FSTL4: variants seen among roughly 807,000 people sequenced by gnomAD.
FSTL4 encodes the protein follistatin like 4.
Under a neutral mutation model 78.2 loss-of-function variants are expected in FSTL4, and 28 were observed. That is an observed-to-expected ratio of 0.36 (90% CI 0.27 to 0.49). The LOEUF (loss-of-function observed/expected upper bound fraction) is 0.49, where lower values mean the gene tolerates loss of function less well. Ranked by LOEUF, FSTL4 falls within the 20% of genes least tolerant of loss-of-function variation. FSTL4 has a pLI of 0.98. For missense variants in FSTL4, 922 were observed against 1,084.9 expected (o/e 0.85, Z 2.11); for synonymous variants, 422 against 440.5 (o/e 0.96, Z 0.53).
At chr5:133,488,934 G>T (rs1480131185) in intron 3 of FSTL4, among the ~76,000 whole-genome samples, 2 of 152,164 alleles carry the variant, frequency 1.3e-5, no homozygotes, top group Non-Finnish European at 2.9e-5. Context: ...AAACTCCAAA[G>T]CTCCTGCTGT....
the FSTL4 span, among the ~76,000 whole-genome samples, chr5:133,769,501 G>A: frequency 6.6e-6 from 1 of 152,112 alleles, no homozygotes; most frequent in Admixed American, 6.5e-5. Flanking sequence ...TGTAGGGTCT[G>A]GTTACCCCTG....
intron 2 of FSTL4, among the ~76,000 whole-genome samples, chr5:133,592,135 C>T (rs891349683): frequency 1.3e-5 from 2 of 152,130 alleles, no homozygotes; most frequent in Non-Finnish European, 2.9e-5. Context: ...CTCCAAGTAC[C>T]TCTGCCTCCA....
the FSTL4 span, among the ~76,000 whole-genome samples, chr5:133,630,669 G>A: frequency 6.6e-6 from 1 of 152,142 alleles, no homozygotes; most frequent in African/African-American, 2.4e-5. Flanking sequence ...CCAAAAAAGA[G>A]CCCGTATAGT....
intron 3 of FSTL4, among the ~76,000 whole-genome samples, chr5:133,491,781 G>T (rs2112868738): frequency 6.6e-6 from 1 of 152,178 alleles, no homozygotes; most frequent in Non-Finnish European, 1.5e-5. Flanking sequence ...ATTTAGACAT[G>T]ATCTTTGTAA....
chr5:133,714,317 A>G, the FSTL4 span, among the ~76,000 whole-genome samples: 2 of 152,116 alleles, frequency 1.3e-5, no homozygotes, highest in Non-Finnish European at 2.9e-5. Context: ...GCTCCCTTTA[A>G]TCTTCTCATC....
At chr5:133,204,420 A>G (rs887216365) in intron 14 of FSTL4, among the ~76,000 whole-genome samples, 1 of 152,232 alleles carries the variant, frequency 6.6e-6, no homozygotes, top group African/African-American at 2.4e-5. Flanking sequence ...CAAACAATGC[A>G]GTAACAAACA....
At chr5:133,738,904 C>T in the FSTL4 span, among the ~76,000 whole-genome samples, 2 of 152,120 alleles carry the variant, frequency 1.3e-5, no homozygotes, top group Admixed American at 1.3e-4. Flanking sequence ...CCCACACTTC[C>T]TCCTCATTCC....
intron 3 of FSTL4, among the ~76,000 whole-genome samples, chr5:133,434,429 G>A (rs906325184): frequency 6.6e-6 from 1 of 152,048 alleles, no homozygotes; most frequent in African/African-American, 2.4e-5. Flanking sequence ...CATTCTTTTT[G>A]TGACTATTTC....
At chr5:133,541,927 G>GAGAC (rs112057546) in intron 3 of FSTL4, among the ~76,000 whole-genome samples, 1 of 148,232 alleles carries the variant, frequency 6.7e-6, no homozygotes, top group Non-Finnish European at 1.5e-5. Context: ...GAATGTTACA[G>GAGAC]ACACACACAC....
At chr5:133,751,079 C>T in the FSTL4 span, among the ~76,000 whole-genome samples, 1 of 152,054 alleles carries the variant, frequency 6.6e-6, no homozygotes, top group African/African-American at 2.4e-5. Flanking sequence ...CCCCACCCAC[C>T]TCTGCATGAA....
chr5:133,317,307 C>G (rs977100243), intron 4 of FSTL4, among the ~76,000 whole-genome samples: 1 of 152,232 alleles, frequency 6.6e-6, no homozygotes, highest in East Asian at 1.9e-4. Context: ...GGAAGTAAAG[C>G]CTGGGATGCA....
At chr5:133,276,384 G>A (rs773374892) in intron 6 of FSTL4, among the ~76,000 whole-genome samples, 9 of 152,314 alleles carry the variant, frequency 5.9e-5, no homozygotes, top group East Asian at 3.9e-4. Flanking sequence ...GGTCTGTCCC[G>A]CCCTGGCCTC....
At chr5:133,804,974 A>C in the FSTL4 span, among the ~76,000 whole-genome samples, 1 of 148,630 alleles carries the variant, frequency 6.7e-6, no homozygotes, top group African/African-American at 2.5e-5. Flanking sequence ...AGAACTGCAC[A>C]TGTTGGGACC....
chr5:133,515,688 TAAA>T (rs72311535), intron 3 of FSTL4, among the ~76,000 whole-genome samples: 9 of 147,924 alleles, frequency 6.1e-5, no homozygotes, highest in African/African-American at 2.2e-4. Flanking sequence ...TTTTTTTTTT[TAAA>T]AAAAAGCAAA....
chr5:133,635,678 G>C, the FSTL4 span, among the ~76,000 whole-genome samples: 1 of 152,202 alleles, frequency 6.6e-6, no homozygotes, highest in Admixed American at 6.5e-5. Context: ...CAGGAGAACT[G>C]TTTGAACCCA....
At chr5:133,646,863 A>G in the FSTL4 span, among the ~76,000 whole-genome samples, 2 of 151,128 alleles carry the variant, frequency 1.3e-5, no homozygotes, top group African/African-American at 4.9e-5. Flanking sequence ...TACATTTGTT[A>G]TCAAAGTCTT....
intron 6 of FSTL4, among the ~76,000 whole-genome samples, chr5:133,259,618 AG>A (rs1003462067): frequency 6.7e-6 from 1 of 149,324 alleles, no homozygotes; most frequent in Non-Finnish European, 1.5e-5. Flanking sequence ...TAAGTCAATC[AG>A]GGATGTGACA....
At chr5:133,396,369 G>A (rs1393935604) in intron 4 of FSTL4, among the ~76,000 whole-genome samples, 5 of 152,182 alleles carry the variant, frequency 3.3e-5, no homozygotes, top group East Asian at 1.9e-4. Flanking sequence ...GAAAGCTCAC[G>A]TGCCAAAGCA....
At chr5:133,429,012 C>A (rs1756882947) in intron 3 of FSTL4, among the ~76,000 whole-genome samples, 1 of 152,212 alleles carries the variant, frequency 6.6e-6, no homozygotes, top group South Asian at 2.1e-4. Flanking sequence ...TTCTTCCTGG[C>A]CCTAGTAGTG....
Sources: allele counts gnomAD v4.1 joint callset (sites outside exome capture counted in the v4.1 genomes callset), GRCh38; gene constraint gnomAD v4.1.1; transcripts MANE v1.5; gene names NCBI Gene and HGNC (gene_info 2026-07-23, HGNC 2026-07-21).